The following KCND2 variants were observed in gnomAD, a reference collection of about 807,000 sequenced individuals.
KCND2 encodes potassium voltage-gated channel subfamily D member 2, also known as A-type voltage-gated potassium channel KCND2.
KCND2 carries 16 observed loss-of-function variants against 54.4 expected under a neutral mutation model. The ratio of observed to expected loss-of-function variants is 0.29; its 90% CI spans 0.20 to 0.45. The LOEUF (loss-of-function observed/expected upper bound fraction) is 0.45. Among genes scored for constraint, KCND2 ranks in the 20% least tolerant of loss-of-function variants. KCND2 has a pLI of 1.00. For synonymous variants in KCND2, 317 were observed against 310.7 expected, an observed-to-expected ratio of 1.02 and a Z score of -0.21; for missense variants, 486 against 824.2, an observed-to-expected ratio of 0.59 and a Z score of 5.02.
chr7:120,438,360 A>G (rs571651159), intron 1 of KCND2, among the ~76,000 whole-genome samples: 3 of 152,300 alleles, frequency 2.0e-5, no homozygotes, highest in Admixed American at 1.3e-4. Flanking sequence ...GACTCTTGGT[A>G]TAGCCTCCTG....
At chr7:120,618,238 AAT>A (rs1793053646) in intron 1 of KCND2, among the ~76,000 whole-genome samples, 1 of 152,244 alleles carries the variant, frequency 6.6e-6, no homozygotes, top group Admixed American at 6.5e-5. Context: ...AAATAAGTGA[AAT>A]GAGTCAAGTG....
intron 2 of KCND2, among the ~76,000 whole-genome samples, chr7:120,741,058 A>G (rs6975419): frequency 0.035 from 5,358 of 151,890 alleles, 313 homozygotes; most frequent in African/African-American, 0.12. Context: ...AAAAAAAAAA[A>G]AAAAGAAAGG....
At chr7:120,551,258 C>A (rs1180173865) in intron 1 of KCND2, among the ~76,000 whole-genome samples, 1 of 152,184 alleles carries the variant, frequency 6.6e-6, no homozygotes, top group African/African-American at 2.4e-5. Flanking sequence ...AAGTGCTATA[C>A]AATTATAAGC....
At chr7:120,744,200 T>G (rs987766730) in intron 4 of KCND2, among the ~76,000 whole-genome samples, 7 of 152,126 alleles carry the variant, frequency 4.6e-5, no homozygotes, top group African/African-American at 7.2e-5. Context: ...AGGCAGAGGT[T>G]GCAGTGAGCT....
intron 1 of KCND2, among the ~76,000 whole-genome samples, chr7:120,478,851 A>G (rs542067938): frequency 6.6e-6 from 1 of 152,304 alleles, no homozygotes; most frequent in Admixed American, 6.5e-5. Flanking sequence ...AGTATAGCCA[A>G]GTAAAATAGA....
In KCND2 at chr7:120,460,558, CT is replaced by C. The variant is rs67237835; in HGVS notation, c.1115+184830del. On this transcript the variant is annotated intron_variant, in intron 1 of 5. Transcript: ENST00000331113. ...AGAGAATTTATTTCCCCACCACGGC[CT>C]TTTTTTTTTTTTTTTTTTACATTTT... Among the ~76,000 whole-genome samples, 910 of 130,232 alleles carry C rather than the reference CT, an allele frequency of 7.0e-3. 2 individuals carry two copies. The highest frequency in any genetic ancestry group is 0.013 in the African/African-American group (451 of 35,518). 85.4% of individuals were successfully genotyped at this position (130,232 alleles called of 152,430 possible).
chr7:120,306,138 G>A (rs1281918374), intron 1 of KCND2, among the ~76,000 whole-genome samples: 1 of 151,984 alleles, frequency 6.6e-6, no homozygotes, highest in Non-Finnish European at 1.5e-5. Flanking sequence ...CAAGAATTTT[G>A]TGTCTCTTAC....
chr7:120,303,216 AAG>A (rs1289012590), intron 1 of KCND2, among the ~76,000 whole-genome samples: 2 of 152,216 alleles, frequency 1.3e-5, no homozygotes, highest in African/African-American at 2.4e-5. Context: ...TTACTTTATG[AAG>A]AGAGACACTG....
chr7:120,649,725 A>G lies in KCND2; in HGVS notation c.1116-83178A>G, dbSNP rs1388276542. Among the ~76,000 whole-genome samples the G allele has an allele frequency of 2.6e-5, 4 of 152,042 alleles. 1 individual carries two copies. Among genetic ancestry groups the G allele is most frequent in the Non-Finnish European group, 5.9e-5 (4 of 68,012 alleles). ...CCATTCTGTAGGGATGGTCTTTACA[A>G]TTTGGCATGTTTTTACAGTGGCTGG... On this transcript the variant is annotated intron_variant, in intron 1 of 5. Coordinates refer to ENST00000331113, the MANE Select transcript of KCND2 (RefSeq NM_012281.3).
chr7:120,312,430 A>G (rs184076568), intron 1 of KCND2, among the ~76,000 whole-genome samples: 8 of 152,202 alleles, frequency 5.3e-5, no homozygotes, highest in Non-Finnish European at 1.0e-4. Context: ...GTCAAACGAT[A>G]TACAACAGGT....
chr7:120,543,167 C>G (rs1792002402), intron 1 of KCND2, among the ~76,000 whole-genome samples: 1 of 151,908 alleles, frequency 6.6e-6, no homozygotes, highest in African/African-American at 2.4e-5. Flanking sequence ...ATATATCTAA[C>G]CGATGTTATC....
At chr7:120,292,098 G>A (rs1799443124) in intron 1 of KCND2, among the ~76,000 whole-genome samples, 1 of 151,702 alleles carries the variant, frequency 6.6e-6, no homozygotes, top group Non-Finnish European at 1.5e-5. Flanking sequence ...TTTGAATAAT[G>A]TGCAACACAA....
chr7:120,389,133 A>T (rs1157224627), intron 1 of KCND2, among the ~76,000 whole-genome samples: 2 of 151,758 alleles, frequency 1.3e-5, no homozygotes, highest in Non-Finnish European at 2.9e-5. Context: ...AAATAGGGGA[A>T]AAAAAAGATG....
At chr7:120,289,067 CACACACACACAGAGAG>C (rs749580196) in intron 1 of KCND2, among the ~76,000 whole-genome samples, 19 of 38,380 alleles carry the variant, frequency 5.0e-4, no homozygotes, top group African/African-American at 7.1e-4. Flanking sequence ...CACACACACA[CACACACACACAGAGAG>C]AGAGAGAGAG....
chr7:120,671,476 A>G (rs551522602), intron 1 of KCND2, among the ~76,000 whole-genome samples: 3 of 152,136 alleles, frequency 2.0e-5, no homozygotes, highest in East Asian at 1.9e-4. Context: ...CCTCTGCCAT[A>G]GATGATCTAC....
chr7:120,607,033 A>G (rs1310196847), intron 1 of KCND2, among the ~76,000 whole-genome samples: 1 of 152,134 alleles, frequency 6.6e-6, no homozygotes, highest in Non-Finnish European at 1.5e-5. Context: ...ACTGATTTTC[A>G]TGTTAAACTA....
intron 1 of KCND2, among the ~76,000 whole-genome samples, chr7:120,530,175 T>C (rs967096381): frequency 6.6e-6 from 1 of 152,324 alleles, no homozygotes; most frequent in Non-Finnish European, 1.5e-5. Context: ...TTTAAATAAC[T>C]AAGAGTATAA....
Position 120,728,147 on chromosome 7 carries a change from A to AT in KCND2, c.1116-4756_1116-4755insT, listed in dbSNP as rs1197810443. 2.7e-5 allele frequency among the ~76,000 whole-genome samples: 4 copies of AT among 150,690 alleles called. No individual in the cohort carries two copies. The East Asian group carries it at 7.8e-4, about 29-fold the overall frequency. ...GATTCCGTCTCAAAAAAAAAAAAAAAAGAAAGAAAGAAAAAAGAAAAGAAA... is the reference window on the plus strand; with the variant it reads ...GATTCCGTCTCAAAAAAAAAAAAAAATAGAAAGAAAGAAAAAAGAAAAGAAA... On this transcript the variant is annotated intron_variant, in intron 1 of 5. Transcript: ENST00000331113.
intron 1 of KCND2, among the ~76,000 whole-genome samples, chr7:120,321,789 T>G (rs752468153): frequency 2.4e-4 from 37 of 152,132 alleles, no homozygotes; most frequent in Non-Finnish European, 4.7e-4. Context: ...GATTAAGTCT[T>G]TTATAAAAGA....
Sources: gnomAD v4.1 joint callset for allele counts (sites outside exome capture counted in the v4.1 genomes callset) on GRCh38, gnomAD v4.1.1 for gene constraint, MANE v1.5 for transcripts, NCBI Gene and HGNC (gene_info 2026-07-23, HGNC 2026-07-21) for gene names.